The following MAML3 variants were observed in gnomAD, a reference collection of about 807,000 sequenced individuals.
MAML3 encodes mastermind-like protein 3.
In MAML3, 27 loss-of-function variants were observed where a neutral mutation model predicts 101.9. The observed-to-expected ratio is 0.27, with a 90% CI of 0.20 to 0.37. MAML3 has a LOEUF of 0.37. MAML3 is among the 10% of genes least tolerant of loss of function. The pLI is 1.00. For synonymous variants in MAML3, 501 were observed against 555.9 expected (o/e 0.90, Z 1.39); for missense variants, 1,316 against 1,444.9 (o/e 0.91, Z 1.45).
At chr4:139,727,780 G>A (rs1245105575) in intron 3 of MAML3, among the ~76,000 whole-genome samples, 1 of 152,130 alleles carries the variant, frequency 6.6e-6, no homozygotes, top group Non-Finnish European at 1.5e-5. Context: ...AAATATGTAA[G>A]ATCCCAAATC....
rs567285070 is a variant in MAML3 at position 139,991,604 on chromosome 4, T to C, written c.469-100637A>G. Among the ~76,000 whole-genome samples, 8 of 152,302 alleles carry C rather than the reference T, an allele frequency of 5.3e-5. No individual in the cohort carries two copies. The South Asian group carries it at 1.7e-3, about 32-fold the overall frequency. On this transcript the variant is annotated intron_variant, in intron 1 of 4. Coordinates refer to ENST00000509479, the MANE Select transcript of MAML3 (RefSeq NM_018717.5). ...AACATAAATCTTGTTCTTGAAAATA[T>C]TATTATTGAAGGTTAAAAAGTTACT...
chr4:139,723,006 T>C (rs1728298242), intron 4 of MAML3, among the ~76,000 whole-genome samples: 1 of 152,226 alleles, frequency 6.6e-6, no homozygotes, highest in Admixed American at 6.5e-5. Flanking sequence ...GAATAGAAAA[T>C]GCAAAGTGAT....
intron 2 of MAML3, among the ~76,000 whole-genome samples, chr4:139,830,451 G>A (rs1456190451): frequency 3.2e-5 from 4 of 124,784 alleles, no homozygotes; most frequent in South Asian, 2.4e-4. Context: ...GTCTCGCTCC[G>A]TCACCCAGGC....
intron 4 of MAML3, among the ~76,000 whole-genome samples, chr4:139,721,530 G>C (rs1728233492): frequency 6.6e-6 from 1 of 152,178 alleles, no homozygotes; most frequent in Admixed American, 6.5e-5. Context: ...TGTTAAACCT[G>C]GCACCCTGGT....
At chr4:139,875,916 CAAAAAAAAAAAAAAA>C (rs57104878) in intron 2 of MAML3, among the ~76,000 whole-genome samples, 1 of 81,564 alleles carries the variant, frequency 1.2e-5, no homozygotes, top group Non-Finnish European at 2.4e-5. Context: ...TCACAAACAG[CAAAAAAAAAAAAAAA>C]AAAAAAAAAA....
intron 4 of MAML3, among the ~76,000 whole-genome samples, chr4:139,724,941 G>A (rs1728405117): frequency 6.6e-6 from 1 of 152,018 alleles, no homozygotes; most frequent in Non-Finnish European, 1.5e-5. Context: ...TGCATTTTTA[G>A]AGAGACAGGG....
intron 1 of MAML3, among the ~76,000 whole-genome samples, chr4:139,929,369 G>A (rs1733333032): frequency 6.6e-6 from 1 of 152,190 alleles, no homozygotes; most frequent in African/African-American, 2.4e-5. Context: ...CCACACAGCG[G>A]TATTTTCTTT....
intron 1 of MAML3, among the ~76,000 whole-genome samples, chr4:140,115,503 A>G (rs968593565): frequency 6.6e-6 from 1 of 152,204 alleles, no homozygotes; most frequent in Non-Finnish European, 1.5e-5. Flanking sequence ...CAATAACACA[A>G]ATTAATGAGT....
chr4:139,995,980 T>C (rs1172782480), intron 1 of MAML3, among the ~76,000 whole-genome samples: 2 of 152,122 alleles, frequency 1.3e-5, no homozygotes, highest in Non-Finnish European at 2.9e-5. Flanking sequence ...ATTTTTAATA[T>C]GTTGTGTTTT....
chr4:139,726,927 A>G (rs191818472), intron 3 of MAML3, among the ~76,000 whole-genome samples: 13 of 152,200 alleles, frequency 8.5e-5, no homozygotes, highest in African/African-American at 3.1e-4. Context: ...GCCGTCAAGT[A>G]GCTTGCGTGA....
chr4:139,827,907 T>A (rs1394295747), intron 2 of MAML3, among the ~76,000 whole-genome samples: 1 of 152,184 alleles, frequency 6.6e-6, no homozygotes, highest in Non-Finnish European at 1.5e-5. Context: ...GTAACTACTA[T>A]AAGGAAATTT....
chr4:139,939,043 A>G (rs1733554748), intron 1 of MAML3, among the ~76,000 whole-genome samples: 1 of 152,192 alleles, frequency 6.6e-6, no homozygotes, highest in Non-Finnish European at 1.5e-5. Context: ...TGCGGTCTAC[A>G]AACAGCTTTA....
chr4:139,819,125 A>G (rs977016888), intron 2 of MAML3, among the ~76,000 whole-genome samples: 4 of 152,204 alleles, frequency 2.6e-5, no homozygotes, highest in African/African-American at 9.6e-5. Context: ...ACCTACAGGT[A>G]TGGAAAAGGA....
intron 1 of MAML3, among the ~76,000 whole-genome samples, chr4:139,914,402 T>C (rs977803489): frequency 6.6e-6 from 1 of 152,152 alleles, no homozygotes; most frequent in Non-Finnish European, 1.5e-5. Context: ...ATTATTATTA[T>C]TGATTATAAT....
intron 2 of MAML3, among the ~76,000 whole-genome samples, chr4:139,745,179 C>T (rs771877197): frequency 5.3e-5 from 8 of 152,068 alleles, no homozygotes; most frequent in Non-Finnish European, 8.8e-5. Context: ...GGGAGGTGGC[C>T]ACCCAAAGTT....
intron 1 of MAML3, among the ~76,000 whole-genome samples, chr4:140,006,642 G>A (rs984735028): frequency 2.8e-4 from 42 of 150,376 alleles, no homozygotes; most frequent in Non-Finnish European, 4.7e-4. Context: ...AGACCCCTGG[G>A]CAGAGCAGAA....
At chr4:139,722,876 C>T (rs1728292994) in intron 4 of MAML3, among the ~76,000 whole-genome samples, 1 of 152,202 alleles carries the variant, frequency 6.6e-6, no homozygotes, top group South Asian at 2.1e-4. Flanking sequence ...TCTGTAAACA[C>T]ATGAAAATAC....
At position 139,749,732 on chromosome 4, in the gene MAML3, C is replaced by T. The variant is rs571450364; in HGVS notation, c.2080-19065G>A. On this transcript the variant is annotated intron_variant, in intron 2 of 4. Transcript: ENST00000509479. ...GCAGTGCTAATTGGTGAGGTTGCCA[C>T]TCAAGTGTGGTACCAAACAGGAGCT... Among the ~76,000 whole-genome samples the T allele has an allele frequency of 2.2e-4, 34 of 152,296 alleles. No individual in the cohort carries two copies. In the South Asian group the frequency reaches 7.0e-3, roughly 32 times the overall value.
At chr4:139,859,201 A>G (rs1023754787) in intron 2 of MAML3, among the ~76,000 whole-genome samples, 1 of 150,930 alleles carries the variant, frequency 6.6e-6, no homozygotes, top group Non-Finnish European at 1.5e-5. Flanking sequence ...ACCCTATGAC[A>G]CCAACATTAG....
Sources: allele counts gnomAD v4.1 joint callset (sites outside exome capture counted in the v4.1 genomes callset), GRCh38; gene constraint gnomAD v4.1.1; transcripts MANE v1.5; gene names NCBI Gene and HGNC (gene_info 2026-07-23, HGNC 2026-07-21).